Variants in SIM1 observed in about 807,000 individuals in gnomAD.
The protein encoded by SIM1 is SIM bHLH transcription factor 1, also known as single-minded homolog 1.
SIM1 carries 18 observed loss-of-function variants against 78.2 expected under a neutral mutation model. The observed-to-expected ratio is 0.23, with a 90% CI of 0.16 to 0.34. SIM1 has a LOEUF of 0.34. Among genes scored for constraint, SIM1 ranks in the 10% least tolerant of loss-of-function variants. The pLI is 1.00. For synonymous variants in SIM1, 417 were observed against 385.2 expected, an observed-to-expected ratio of 1.08 and a Z score of -0.97; for missense variants, 939 against 975.1, an observed-to-expected ratio of 0.96 and a Z score of 0.49.
chr6:100,410,823 T>G (rs1771171169), intron 10 of SIM1, among the ~76,000 whole-genome samples: 1 of 152,152 alleles, frequency 6.6e-6, no homozygotes, highest in Non-Finnish European at 1.5e-5. Flanking sequence ...AAGAGGCAGA[T>G]GAAGTTCTCT....
intron 8 of SIM1, among the ~76,000 whole-genome samples, chr6:100,447,910 G>T (rs891552231): frequency 1.3e-5 from 2 of 152,214 alleles, no homozygotes; most frequent in African/African-American, 4.8e-5. Context: ...CCGGGGGCGG[G>T]GGACGTATTT....
chr6:100,389,006 A>G lies in SIM1; in HGVS notation c.*1355T>C, dbSNP rs1235266741. The G allele has an allele frequency of 3.3e-5, 5 of 152,220 alleles. No individual in the cohort carries two copies. Among genetic ancestry groups the G allele is most frequent in the Admixed American group, 3.3e-4 (5 of 15,270 alleles). The allele number at this position is 152,220 out of a possible 1,614,324, so 9.4% of individuals were successfully genotyped here. ...CTCATAGCAGAGAGTTAATTAGGTA[A>G]TAAGTTCAGTTCTGCTCTATCACAG... On this transcript the variant is annotated 3_prime_UTR_variant, in exon 12 of 12. Coordinates refer to ENST00000369208, the MANE Select transcript of SIM1 (RefSeq NM_005068.3).
chr6:100,458,659 T>C (rs1479361944), intron 2 of SIM1, among the ~76,000 whole-genome samples: 4 of 152,150 alleles, frequency 2.6e-5, no homozygotes, highest in Admixed American at 2.0e-4. Flanking sequence ...GGACAGAGGA[T>C]GGGACACACC....
At chr6:100,405,922 T>C (rs1009980018) in intron 10 of SIM1, among the ~76,000 whole-genome samples, 1 of 152,184 alleles carries the variant, frequency 6.6e-6, no homozygotes, top group Non-Finnish European at 1.5e-5. Context: ...GGATTCCATA[T>C]GGAGAGAGTC....
intron 9 of SIM1, among the ~76,000 whole-genome samples, chr6:100,439,048 C>T (rs1036043780): frequency 7.9e-5 from 12 of 152,040 alleles, no homozygotes; most frequent in African/African-American, 2.9e-4. Context: ...TTTCATAAAT[C>T]ACCACTAAGG....
intron 10 of SIM1, among the ~76,000 whole-genome samples, chr6:100,405,095 C>T (rs1282383174): frequency 6.6e-6 from 1 of 151,702 alleles, no homozygotes. Flanking sequence ...CTATATAATA[C>T]ATATTAATAA....
chr6:100,426,658 A>C (rs559214977), intron 9 of SIM1, among the ~76,000 whole-genome samples: 1 of 152,264 alleles, frequency 6.6e-6, no homozygotes, highest in Non-Finnish European at 1.5e-5. Flanking sequence ...TACAATTTCA[A>C]GTGAGTTTGA....
intron 4 of SIM1, 45 bp from the exon 5 acceptor site, chr6:100,449,744 C>T (rs763721803): frequency 5.3e-6 from 8 of 1,501,676 alleles, no homozygotes; most frequent in East Asian, 2.3e-5. Flanking sequence ...GTGGAATGCC[C>T]GGTGAAGGGA....
chr6:100,422,360 C>T (rs1771615214), intron 9 of SIM1, among the ~76,000 whole-genome samples: 1 of 152,076 alleles, frequency 6.6e-6, no homozygotes, highest in African/African-American at 2.4e-5. Flanking sequence ...GCCACCACAA[C>T]ACCTGGCTAA....
intron 3 of SIM1, among the ~76,000 whole-genome samples, chr6:100,452,534 G>A (rs1197519163): frequency 1.3e-5 from 2 of 152,184 alleles, no homozygotes; most frequent in African/African-American, 4.8e-5. Context: ...CAGGGATGAG[G>A]GAGTAAATGG....
Position 100,390,447 on chromosome 6 carries a change from A to C in SIM1, c.2215T>G (p.Phe739Val). ...ATCCTCAGATGGGAAGTTACATCAA[A>C]GTGTGAGCCATTACAGCCCAAGGAA... Reference protein sequence around the residue: ...NYSLGCNGSHFDVTSHLRMQP... With the variant: ...NYSLGCNGSHVDVTSHLRMQP... Residue 739 changes from phenylalanine to valine, a missense_variant, in exon 12 of 12, where the codon TTT becomes GTT. Transcript: ENST00000369208. 6.2e-7 allele frequency: 1 copy of C among 1,614,162 alleles called. No individual in the cohort carries two copies. The highest frequency in any genetic ancestry group is 8.5e-7 in the Non-Finnish European group (1 of 1,180,020).
chr6:100,426,550 A>G lies in SIM1; in HGVS notation c.999-5592T>C, dbSNP rs185983634. ...ACCACAAAAAGGCATTGTCAGTTCT[A>G]GAGAAATGCATTAACATTATTTCTA... On this transcript the variant is annotated intron_variant, in intron 9 of 11. Transcript: ENST00000369208. 1.3e-3 allele frequency among the ~76,000 whole-genome samples: 198 copies of G among 152,326 alleles called. 3 individuals are homozygous for G. The highest frequency in any genetic ancestry group is 4.5e-3 in the African/African-American group (189 of 41,586).
At chr6:100,399,791 T>C (rs769817593) in intron 10 of SIM1, among the ~76,000 whole-genome samples, 1 of 152,096 alleles carries the variant, frequency 6.6e-6, no homozygotes, top group Non-Finnish European at 1.5e-5. Context: ...GTGAATTGGC[T>C]TAAATCACCA....
chr6:100,420,830 G>A lies in SIM1; in HGVS notation c.1127C>T (p.Ser376Phe). Residue 376 changes from serine to phenylalanine, a missense_variant, in exon 10 of 12, where the codon TCC (serine) becomes TTC (phenylalanine). Coordinates refer to ENST00000369208, the MANE Select transcript of SIM1 (RefSeq NM_005068.3). ...AGTCCTGGATTTTGACTTTGAGCTG[G>A]AGAGCCGGGATTTGGCCCCCTTTCT... ...DNRKGAKSRL[S>F]SSKSKSRTSP... The A allele has an allele frequency of 1.2e-6, 2 of 1,614,170 alleles. No homozygotes were observed. Among genetic ancestry groups the A allele is most frequent in the East Asian group, 2.2e-5 (1 of 44,876 alleles).
chr6:100,453,439 C>G (rs868751881), intron 3 of SIM1, among the ~76,000 whole-genome samples: 1 of 152,078 alleles, frequency 6.6e-6, no homozygotes, highest in South Asian at 2.1e-4. Context: ...CTGGGGTGTT[C>G]CAGTTCCCTC....
chr6:100,463,769 T>A lies in SIM1; in HGVS notation c.-301A>T, dbSNP rs1772918611. 3.9e-6 allele frequency: 1 copy of A among 255,168 alleles called. No homozygotes were observed. The highest frequency in any genetic ancestry group is 7.6e-5 in the East Asian group (1 of 13,128). 15.8% of individuals were successfully genotyped at this position (255,168 alleles called of 1,614,324 possible). On this transcript the variant is annotated 5_prime_UTR_variant, in exon 2 of 12. Coordinates refer to ENST00000369208, the MANE Select transcript of SIM1 (RefSeq NM_005068.3). ...GGTCGTTCAGGGTATCAAATGCCAGTGGGACCCCTGAGGAGCCAGCCTTTT... is the reference window on the plus strand; with the variant it reads ...GGTCGTTCAGGGTATCAAATGCCAGAGGGACCCCTGAGGAGCCAGCCTTTT...
chr6:100,438,933 G>T (rs1267945727), intron 9 of SIM1, among the ~76,000 whole-genome samples: 1 of 152,094 alleles, frequency 6.6e-6, no homozygotes, highest in Non-Finnish European at 1.5e-5. Flanking sequence ...GCATAAGAAT[G>T]GTATAATGGA....
chr6:100,444,867 T>G (rs1772315466), intron 9 of SIM1, among the ~76,000 whole-genome samples: 1 of 152,162 alleles, frequency 6.6e-6, no homozygotes, highest in Non-Finnish European at 1.5e-5. Flanking sequence ...TTTTAAAACC[T>G]CTACTTTCAT....
intron 6 of SIM1, 128 bp from the exon 7 acceptor site, chr6:100,448,806 A>G (rs1772433178): frequency 5.3e-6 from 4 of 750,030 alleles, no homozygotes; most frequent in African/African-American, 1.8e-5. Flanking sequence ...CCCGTGCACT[A>G]AGGAATCCAA....
Sources: gnomAD v4.1 joint callset for allele counts (sites outside exome capture counted in the v4.1 genomes callset) on GRCh38, gnomAD v4.1.1 for gene constraint, MANE v1.5 for transcripts, NCBI Gene and HGNC (gene_info 2026-07-23, HGNC 2026-07-21) for gene names.